The following CPEB4 variants were observed in gnomAD, a reference collection of about 807,000 sequenced individuals.
CPEB4 encodes cytoplasmic polyadenylation element-binding protein 4.
A neutral mutation model predicts 72.5 loss-of-function variants in CPEB4; 12 were observed. The ratio of observed to expected loss-of-function variants is 0.17; its 90% CI spans 0.11 to 0.27. The LOEUF (loss-of-function observed/expected upper bound fraction) is 0.27. Ranked by LOEUF, CPEB4 falls within the 10% of genes least tolerant of loss-of-function variation. The probability of loss-of-function intolerance (pLI) is 1.00; values close to 1 mark genes in which losing one functional copy is unlikely to be tolerated. For synonymous variants in CPEB4, 302 were observed against 326.3 expected, an observed-to-expected ratio of 0.93 and a Z score of 0.80; for missense variants, 614 against 908.5, an observed-to-expected ratio of 0.68 and a Z score of 4.17.
At chr5:173,927,878 C>T (rs1357690129) in intron 2 of CPEB4, among the ~76,000 whole-genome samples, 6 of 152,134 alleles carry the variant, frequency 3.9e-5, no homozygotes, top group Admixed American at 3.9e-4. Context: ...TCATAATTGT[C>T]AAAACTTGGA....
intron 9 of CPEB4, chr5:173,953,551 AG>A: frequency 2.6e-6 from 1 of 385,088 alleles, no homozygotes; most frequent in Non-Finnish European, 4.6e-6. Flanking sequence ...TCATTCACTT[AG>A]TTTGTAAGTC....
intron 2 of CPEB4, among the ~76,000 whole-genome samples, chr5:173,916,400 T>A (rs1477120332): frequency 6.6e-6 from 1 of 152,210 alleles, no homozygotes; most frequent in Non-Finnish European, 1.5e-5. Flanking sequence ...AAAGTGCCAG[T>A]CTTTTACATA....
intron 3 of CPEB4, among the ~76,000 whole-genome samples, chr5:173,934,134 A>G (rs960117618): frequency 2.0e-5 from 3 of 152,180 alleles, no homozygotes; most frequent in African/African-American, 7.2e-5. Context: ...GCAGTGAGCC[A>G]TGATTGCACC....
At position 173,888,412 on chromosome 5, in the gene CPEB4, G is replaced by T. The variant is rs1477103121; in HGVS notation, c.-1322G>T. 2.7e-5 allele frequency: 12 copies of T among 452,264 alleles called. No homozygotes were observed. The highest frequency in any genetic ancestry group is 2.6e-4 in the South Asian group (5 of 19,286). 28.0% of individuals were successfully genotyped at this position (452,264 alleles called of 1,614,324 possible). A position where few individuals can be genotyped will look rare whatever the true frequency, so the allele number is the denominator to read the frequency against. On this transcript the variant is annotated 5_prime_UTR_variant, in exon 1 of 10. Coordinates refer to ENST00000265085, the MANE Select transcript of CPEB4 (RefSeq NM_030627.4). The surrounding 1 kb of genome is among the most constrained non-coding windows in gnomAD (Gnocchi z 4.3). ...TGCGGGACCCGGGCACCGGGAGGCGGTGGCGGCGGCGGCGGCGGCAGCAGC... is the reference window on the plus strand; with the variant it reads ...TGCGGGACCCGGGCACCGGGAGGCGTTGGCGGCGGCGGCGGCGGCAGCAGC...
chr5:173,889,517 G>GTTTT lies in CPEB4; in HGVS notation c.-216_-213dup. 2.2e-6 allele frequency: 1 copy of GTTTT among 452,230 alleles called. No individual in the cohort carries two copies. Among genetic ancestry groups the GTTTT allele is most frequent in the Non-Finnish European group, 3.9e-6 (1 of 254,782 alleles). The allele number at this position is 452,230 out of a possible 1,614,324, so 28.0% of individuals were successfully genotyped here. On this transcript the variant is annotated 5_prime_UTR_variant, in exon 1 of 10. An upstream open reading frame in the 5' UTR loses its in-frame stop. Coordinates refer to ENST00000265085, the MANE Select transcript of CPEB4 (RefSeq NM_030627.4). ...TAAGCCCAATTGGATCCAAGTCAAT[G>GTTTT]TTTTAAGAGATTTTTTTAAGAGTTG...
Position 173,932,492 on chromosome 5 carries a change from T to C in CPEB4, c.1250T>C (p.Leu417Pro). The C allele has an allele frequency of 6.2e-7, 1 of 1,611,782 alleles. No homozygotes were observed. Among genetic ancestry groups the C allele is most frequent in the Non-Finnish European group, 8.5e-7 (1 of 1,178,630 alleles). ...YSYPGSDSSL[L>P]INARTYGRRR... is the part of the protein sequence containing the mutation. ...TATCCAGGATCCGATAGCTCTCTGCTTATTAATGGTAAGTGATAATTGATT... is the reference window on the plus strand; with the variant it reads ...TATCCAGGATCCGATAGCTCTCTGCCTATTAATGGTAAGTGATAATTGATT... The change falls in exon 3 of 10, where the codon CTT becomes CCT. Residue 417 changes from leucine to proline, a missense_variant. Around this residue, in one of 5 missense-constraint regions of CPEB4, gnomAD observed 458 missense variants for 548.6 expected, o/e 0.83. Coordinates refer to ENST00000265085, the MANE Select transcript of CPEB4 (RefSeq NM_030627.4).
intron 1 of CPEB4, among the ~76,000 whole-genome samples, chr5:173,892,034 G>A (rs1362098392): frequency 6.6e-6 from 1 of 151,818 alleles, no homozygotes; most frequent in Non-Finnish European, 1.5e-5. Context: ...ACGTACACAT[G>A]TGCTACAGCT....
rs886647759 is a variant in CPEB4 at position 173,956,696 on chromosome 5, A to G, written c.*559A>G. 6.7e-6 allele frequency: 1 copy of G among 149,288 alleles called. No individual in the cohort carries two copies. The highest frequency in any genetic ancestry group is 2.5e-5 in the African/African-American group (1 of 40,570). 9.2% of individuals were successfully genotyped at this position (149,288 alleles called of 1,614,324 possible). On this transcript the variant is annotated 3_prime_UTR_variant, in exon 10 of 10. Transcript: ENST00000265085. ...CAATGGAGGAAGTTAACAATTTTTA[A>G]TGGAAAGAGCATGTTAGAGCAAACA...
In CPEB4 at chr5:173,956,057, C is replaced by T. The variant is rs1581174147; in HGVS notation, c.2110C>T (p.Arg704Cys). The stretch of plus-strand genomic sequence containing the variant: ...ATATTGCTGGGCTGCTATCCATTCT[C>T]GTGCTGGCAGGGAATTCCACAAGCC... ...CEYCWAAIHS[R>C]AGREFHKPLV... Residue 704 changes from arginine to cysteine, a missense_variant, in exon 10 of 10, where the codon CGT (arginine) becomes TGT (cysteine). Coordinates refer to ENST00000265085, the MANE Select transcript of CPEB4 (RefSeq NM_030627.4). 1 of 1,614,132 alleles carries T rather than the reference C, an allele frequency of 6.2e-7. No individual in the cohort carries two copies. The highest frequency in any genetic ancestry group is 8.5e-7 in the Non-Finnish European group (1 of 1,180,010).
rs919162551 is a variant in CPEB4, at chr5:173,959,939, T to A, written c.*3802T>A. 4.6e-5 allele frequency: 7 copies of A among 152,126 alleles called. No individual in the cohort carries two copies. The East Asian group carries it at 1.4e-3, about 30-fold the overall frequency. The allele number at this position is 152,126 out of a possible 1,614,324, so 9.4% of individuals were successfully genotyped here. A position where few individuals can be genotyped will look rare whatever the true frequency, so the allele number is the denominator to read the frequency against. On this transcript the variant is annotated 3_prime_UTR_variant, in exon 10 of 10. Transcript: ENST00000265085. Reference sequence around the variant, plus strand: ...GTGTCTAGTTTTTACTAATCCCTAATTTTTTTTCCAGTGTATTGCTCATAT... The same window carrying A: ...GTGTCTAGTTTTTACTAATCCCTAAATTTTTTTCCAGTGTATTGCTCATAT...
At chr5:173,899,375 T>C (rs1056565528) in intron 1 of CPEB4, among the ~76,000 whole-genome samples, 3 of 152,142 alleles carry the variant, frequency 2.0e-5, no homozygotes, top group African/African-American at 7.2e-5. Context: ...GAGAAAACAT[T>C]AAAATTTTTT....
At chr5:173,893,854 A>G (rs1011107307) in intron 1 of CPEB4, among the ~76,000 whole-genome samples, 9 of 152,174 alleles carry the variant, frequency 5.9e-5, no homozygotes, top group African/African-American at 2.2e-4. Context: ...TAAATTCATA[A>G]TCCTCCCCCC....
intron 2 of CPEB4, among the ~76,000 whole-genome samples, chr5:173,923,970 C>G (rs1325456187): frequency 6.6e-6 from 1 of 152,098 alleles, no homozygotes; most frequent in African/African-American, 2.4e-5. Context: ...GGGTCAGCTT[C>G]TTACTAGTTT....
At chr5:173,911,206 C>A (rs1403174941) in intron 2 of CPEB4, among the ~76,000 whole-genome samples, 2 of 151,902 alleles carry the variant, frequency 1.3e-5, no homozygotes, top group African/African-American at 4.8e-5. Context: ...GTAGAATTAC[C>A]CGGGTGCTTT....
intron 2 of CPEB4, among the ~76,000 whole-genome samples, chr5:173,932,048 A>G (rs6869682): frequency 1.3e-5 from 2 of 152,146 alleles, no homozygotes; most frequent in African/African-American, 2.4e-5. Flanking sequence ...ACATGTAGGC[A>G]TAAGCCTGGC....
chr5:173,929,006 A>C (rs903081588), intron 2 of CPEB4, among the ~76,000 whole-genome samples: 1 of 152,234 alleles, frequency 6.6e-6, no homozygotes, highest in Non-Finnish European at 1.5e-5. Flanking sequence ...AGAGACCACA[A>C]TTGATTCTAA....
chr5:173,894,254 T>C (rs1298824900), intron 1 of CPEB4, among the ~76,000 whole-genome samples: 1 of 152,098 alleles, frequency 6.6e-6, no homozygotes, highest in African/African-American at 2.4e-5. Context: ...AGTGCTGAGA[T>C]TGCAGGTGTG....
At chr5:173,944,190 T>G (rs1436115792) in intron 4 of CPEB4, among the ~76,000 whole-genome samples, 2 of 152,192 alleles carry the variant, frequency 1.3e-5, no homozygotes, top group Non-Finnish European at 2.9e-5. Flanking sequence ...AAATATATCT[T>G]TAGCATGCCT....
In CPEB4 at chr5:173,950,110, GT is replaced by G; in HGVS notation, c.1665+37del. On this transcript the variant is annotated intron_variant, in intron 7 of 9. Transcript: ENST00000265085. This position sits in a 1 kb window ranked among gnomAD's most constrained non-coding sequence, Gnocchi z 5.0. ...GTGGTTTAGCATAAAATAGCTTCTTGTTTTTGCCTCCATTCATCTGTTATAT... is the reference window on the plus strand; with the variant it reads ...GTGGTTTAGCATAAAATAGCTTCTTGTTTTGCCTCCATTCATCTGTTATAT... The G allele has an allele frequency of 7.5e-7, 1 of 1,327,206 alleles. No individual in the cohort carries two copies. The highest frequency in any genetic ancestry group is 1.1e-6 in the Non-Finnish European group (1 of 939,286). 82.2% of individuals were successfully genotyped at this position (1,327,206 alleles called of 1,614,324 possible).
Sources: gnomAD v4.1 joint callset for allele counts (sites outside exome capture counted in the v4.1 genomes callset) on GRCh38, gnomAD v4.1.1 for gene constraint, gnomAD v4.1.1 regional missense constraint, Gnocchi (gnomAD v3.1) non-coding constraint, MANE v1.5 for transcripts, NCBI Gene and HGNC (gene_info 2026-07-23, HGNC 2026-07-21) for gene names.